NAGK: variants seen among roughly 807,000 people sequenced by gnomAD.
NAGK encodes the protein N-acetylglucosamine kinase, also known as N-acetyl-D-glucosamine kinase.
A neutral mutation model predicts 42.9 loss-of-function variants in NAGK; 35 were observed. The ratio of observed to expected loss-of-function variants is 0.82; its 90% CI spans 0.62 to 1.08. The LOEUF is 1.08. NAGK is among the 50% of genes least tolerant of loss of function. NAGK has a pLI of 0.00. For synonymous variants in NAGK, 172 were observed against 176.0 expected (o/e 0.98, Z 0.18); for missense variants, 446 against 446.0 (o/e 1.00, Z 0.00).
chr2:71,071,214 G>A (rs1370048343), intron 3 of NAGK: 3 of 332,502 alleles, frequency 9.0e-6, no homozygotes, highest in African/African-American at 2.1e-5. Flanking sequence ...ATTGCAAAGT[G>A]GTTAGTATAG....
At chr2:71,068,544 G>C (rs1263922205), upstream of NAGK, 34 of 1,473,496 alleles carry the variant, frequency 2.3e-5, no homozygotes, top group Admixed American at 8.1e-5. Context: ...CCCGCCCCGC[G>C]CATGCGCACG....
At chr2:71,070,978 C>T in intron 3 of NAGK, 139 bp downstream of exon 3, 1 of 847,972 alleles carries the variant, frequency 1.2e-6, no homozygotes. Flanking sequence ...GTCATAATCT[C>T]ACCCAGTCTC....
chr2:71,069,045 T>G (rs760813117), intron 1 of NAGK: 128 of 1,088,184 alleles, frequency 1.2e-4, no homozygotes, highest in Non-Finnish European at 1.4e-4. Flanking sequence ...GACAGAGTTT[T>G]GCAGAACAGG....
intron 7 of NAGK, 106 bp downstream of exon 7, chr2:71,075,748 C>G (rs1247559840): frequency 1.8e-6 from 2 of 1,109,174 alleles, no homozygotes; most frequent in Non-Finnish European, 2.7e-6. Context: ...TTCCTCTCAC[C>G]AAGTGACCTC....
chr2:71,073,624 C>T lies in NAGK; in HGVS notation c.579+30C>T, dbSNP rs367972926. ...TCCTCCTGCTCCCAGTAAACATGCGCACCTGGGGTAGGGCAGTGAAACACT... is the reference window on the plus strand; with the variant it reads ...TCCTCCTGCTCCCAGTAAACATGCGTACCTGGGGTAGGGCAGTGAAACACT... On this transcript the variant is annotated intron_variant, in intron 6 of 9. Coordinates refer to ENST00000244204, the MANE Select transcript of NAGK (RefSeq NM_017567.6). The T allele has an allele frequency of 3.9e-6, 6 of 1,529,406 alleles. No homozygotes were observed. In the African/African-American group the frequency reaches 8.2e-5, roughly 21 times the overall value. The allele number at this position is 1,529,406 out of a possible 1,614,324, so 94.7% of individuals were successfully genotyped here. A position where few individuals can be genotyped will look rare whatever the true frequency, so the allele number is the denominator to read the frequency against.
Position 71,068,841 on chromosome 2 carries a change from G to A in NAGK, c.29+129G>A, listed in dbSNP as rs573912591. ...GGGCGGCGGGACCTTGCGGTGAAGA[G>A]GTGTGTGCACGCGCAGGGGCGCCCT... On this transcript the variant is annotated intron_variant, in intron 1 of 9. Coordinates refer to ENST00000244204, the MANE Select transcript of NAGK (RefSeq NM_017567.6). The A allele has an allele frequency of 3.6e-6, 5 of 1,390,362 alleles. No individual in the cohort carries two copies. The African/African-American group carries it at 7.6e-5, about 21-fold the overall frequency. The allele number at this position is 1,390,362 out of a possible 1,614,324, so 86.1% of individuals were successfully genotyped here.
chr2:71,072,804 C>T lies in NAGK; in HGVS notation c.466+53C>T, dbSNP rs1371285088. The stretch of plus-strand genomic sequence containing the variant: ...GGTCCTGGATCTGCTCCTTCCTTCA[C>T]TCCCTGTCTTTCTCTCCTTAGCCTT... On this transcript the variant is annotated intron_variant, in intron 5 of 9. Coordinates refer to ENST00000244204, the MANE Select transcript of NAGK (RefSeq NM_017567.6). 11 of 1,496,478 alleles carry T rather than the reference C, an allele frequency of 7.4e-6. No homozygotes were observed. The Admixed American group carries it at 1.2e-4, about 17-fold the overall frequency. 92.7% of individuals were successfully genotyped at this position (1,496,478 alleles called of 1,614,324 possible). A position where few individuals can be genotyped will look rare whatever the true frequency, so the allele number is the denominator to read the frequency against.
At chr2:71,075,958 C>G (rs1672196152) in intron 7 of NAGK, 2 of 383,634 alleles carry the variant, frequency 5.2e-6, no homozygotes, top group Admixed American at 7.7e-5. Flanking sequence ...CTTTTCCTAG[C>G]CAATTATACT....
At chr2:71,068,588 A>G (rs1490813984), upstream of NAGK, 5 of 1,521,740 alleles carry the variant, frequency 3.3e-6, no homozygotes, top group Admixed American at 4.3e-5. Context: ...GCGGGAGGTC[A>G]CGGGAAGTGG....
chr2:71,076,275 C>G lies in NAGK; in HGVS notation c.668-329C>G, dbSNP rs771424714. On this transcript the variant is annotated intron_variant, in intron 7 of 9. Transcript: ENST00000244204. ...CCTGGGTCCCCAGAGCTGACAGCCT[C>G]ATAGGAACAGACTTACAGTAACTCA... The G allele has an allele frequency of 1.1e-3, 238 of 219,464 alleles. 1 individual carries two copies. Among genetic ancestry groups the G allele is most frequent in the Non-Finnish European group, 8.3e-5 (9 of 108,904 alleles). 13.6% of individuals were successfully genotyped at this position (219,464 alleles called of 1,614,324 possible). A position where few individuals can be genotyped will look rare whatever the true frequency, so the allele number is the denominator to read the frequency against.
intron 7 of NAGK, 157 bp downstream of exon 7, chr2:71,075,799 G>A (rs1007430127): frequency 7.2e-6 from 5 of 698,140 alleles, no homozygotes; most frequent in African/African-American, 7.2e-5. Flanking sequence ...GTGGGCCTTG[G>A]GGTGGAGGCA....
chr2:71,074,079 C>T (rs1018996124), intron 6 of NAGK, among the ~76,000 whole-genome samples: 1 of 152,128 alleles, frequency 6.6e-6, no homozygotes, highest in South Asian at 2.1e-4. Flanking sequence ...GGGATTGACT[C>T]CTCCTTGTCT....
chr2:71,078,638 C>G lies in NAGK; in HGVS notation c.*130C>G. 1 of 1,104,642 alleles carries G rather than the reference C, an allele frequency of 9.1e-7. No individual in the cohort carries two copies. Among genetic ancestry groups the G allele is most frequent in the Non-Finnish European group, 1.3e-6 (1 of 793,376 alleles). 68.4% of individuals were successfully genotyped at this position (1,104,642 alleles called of 1,614,324 possible). On this transcript the variant is annotated 3_prime_UTR_variant, in exon 10 of 10. Coordinates refer to ENST00000244204, the MANE Select transcript of NAGK (RefSeq NM_017567.6). ...AAAATAAATGCACTTTATCCACTCC[C>G]CAATTGGACTGCATTATCAAACACA...
chr2:71,071,694 T>C lies in NAGK; in HGVS notation c.222T>C (p.Ser74=). 6.2e-7 allele frequency: 1 copy of C among 1,613,308 alleles called. No homozygotes were observed. Among genetic ancestry groups the C allele is most frequent in the Non-Finnish European group, 8.5e-7 (1 of 1,179,760 alleles). Residue 74 remains serine (S), a synonymous_variant, in exon 4 of 10, where the codon TCT becomes TCC. Coordinates refer to ENST00000244204, the MANE Select transcript of NAGK (RefSeq NM_017567.6). ...CCTCCCGCGTGGCCTAGGGCCTATC[T>C]CTGAGCGGTGGGGACCAGGAGGACG... ...PLVPLRSLGL[S]LSGGDQEDAG...
At position 71,078,363 on chromosome 2, in the gene NAGK, ACTT is replaced by A. The variant is rs539605166; in HGVS notation, c.896_898del (p.Phe299del). On this transcript the variant is annotated inframe_deletion, in exon 10 of 10. Transcript: ENST00000244204. ...CAGGGCAGAGAGATCCAGGCTCAGA[ACTT>A]CTTCTCCAGCTTCACCCTGATGAAG... The A allele has an allele frequency of 3.9e-4, 631 of 1,613,882 alleles. No individual in the cohort carries two copies. The highest frequency in any genetic ancestry group is 5.0e-4 in the Non-Finnish European group (586 of 1,179,966).
intron 8 of NAGK, among the ~76,000 whole-genome samples, chr2:71,076,975 T>A (rs1457681560): frequency 6.6e-6 from 1 of 152,036 alleles, no homozygotes; most frequent in African/African-American, 2.4e-5. Flanking sequence ...TTATTTTTTA[T>A]TTTTTTGAGA....
At chr2:71,071,905 G>C in intron 4 of NAGK, 78 bp downstream of exon 4, 1 of 1,551,114 alleles carries the variant, frequency 6.4e-7, no homozygotes, top group African/African-American at 1.4e-5. Context: ...GACAAAACTT[G>C]TTCTGCAAAT....
At chr2:71,068,318 G>C (rs1671851979), upstream of NAGK, 3 of 501,664 alleles carry the variant, frequency 6.0e-6, no homozygotes, top group Admixed American at 9.0e-5. Flanking sequence ...GCAACTTCCG[G>C]GCGTTTACAG....
rs753059727 is a variant in NAGK, at chr2:71,072,873, C to G, written c.466+122C>G. ...GGCTTCCTGGGGACAACTCCTGAAC[C>G]TGGCCATTCCATGTGCAGGATCATG... is the stretch of plus-strand genomic sequence containing the variant. On this transcript the variant is annotated intron_variant, in intron 5 of 9. Transcript: ENST00000244204. 41 of 840,426 alleles carry G rather than the reference C, an allele frequency of 4.9e-5. No individual in the cohort carries two copies. In the African/African-American group the frequency reaches 6.5e-4, roughly 13 times the overall value. 52.1% of individuals were successfully genotyped at this position (840,426 alleles called of 1,614,324 possible).
Sources: gnomAD v4.1 joint callset for allele counts (sites outside exome capture counted in the v4.1 genomes callset) on GRCh38, gnomAD v4.1.1 for gene constraint, MANE v1.5 for transcripts, NCBI Gene and HGNC (gene_info 2026-07-23, HGNC 2026-07-21) for gene names.